Variants in ZSCAN29 observed in about 807,000 individuals in gnomAD.
ZSCAN29 encodes zinc finger and SCAN domain containing 29.
Under a neutral mutation model 71.9 loss-of-function variants are expected in ZSCAN29, and 55 were observed. The observed-to-expected ratio is 0.76, with a 90% CI of 0.62 to 0.96. The LOEUF is 0.96. Among genes scored for constraint, ZSCAN29 ranks in the 40% least tolerant of loss-of-function variants. ZSCAN29 has a pLI of 0.00. For missense variants in ZSCAN29, 1,042 were observed against 1,042.2 expected, an observed-to-expected ratio of 1.00 and a Z score of 0.00; for synonymous variants, 351 against 371.6, an observed-to-expected ratio of 0.94 and a Z score of 0.64.
At chr15:43,364,832 T>G (rs1295402658) in intron 4 of ZSCAN29, among the ~76,000 whole-genome samples, 2 of 144,270 alleles carry the variant, frequency 1.4e-5, no homozygotes, top group Non-Finnish European at 3.0e-5. Flanking sequence ...GAGGTGGAGG[T>G]TGCAGTGAGA....
At chr15:43,365,048 A>C (rs1254811629) in intron 4 of ZSCAN29, among the ~76,000 whole-genome samples, 3 of 152,158 alleles carry the variant, frequency 2.0e-5, no homozygotes, top group Non-Finnish European at 2.9e-5. Flanking sequence ...GAAACGAAAA[A>C]GCAGAAGACA....
In ZSCAN29 at chr15:43,359,763, AC is replaced by A. The variant is rs2043962504; in HGVS notation, c.*1309del. ...ACAGACGAAATTCAGATGAGACTGG[AC>A]AGAAAGAAAACCAACCTAAATCCTG... On this transcript the variant is annotated 3_prime_UTR_variant, in exon 6 of 6. Transcript: ENST00000684362. 1 of 152,248 alleles carries A rather than the reference AC, an allele frequency of 6.6e-6. No homozygotes were observed. Among genetic ancestry groups the A allele is most frequent in the Admixed American group, 6.5e-5 (1 of 15,288 alleles). The allele number at this position is 152,248 out of a possible 1,614,324, so 9.4% of individuals were successfully genotyped here.
chr15:43,367,340 C>A (rs1276761998), intron 3 of ZSCAN29, among the ~76,000 whole-genome samples: 2 of 152,204 alleles, frequency 1.3e-5, no homozygotes, highest in East Asian at 3.9e-4. Flanking sequence ...TAACCGCAGG[C>A]TCTTGCTTGC....
At position 43,369,622 on chromosome 15, in the gene ZSCAN29, T is replaced by C. The variant is rs1170501287; in HGVS notation, c.292A>G (p.Arg98Gly). The change falls in exon 2 of 6, where the codon AGA (arginine) becomes GGA (glycine). Residue 98 changes from arginine (R) to glycine (G), a missense_variant. By Grantham distance (125) the Arg-to-Gly change is moderately radical. Transcript: ENST00000684362. ...EAVTLVEDLE[R>G]EPGRPRSSVT... ...GAAGATCTAGGTCTTCCAGGCTCTC[T>C]TTCTAAATCTTCCACGAGAGTCACT... The C allele has an allele frequency of 2.5e-6, 4 of 1,613,538 alleles. No individual in the cohort carries two copies. Among genetic ancestry groups the C allele is most frequent in the East Asian group, 2.2e-5 (1 of 44,870 alleles).
Position 43,361,374 on chromosome 15 carries a change from TG to T in ZSCAN29, c.2257del (p.Gln753ArgfsTer94). On this transcript the variant is annotated frameshift_variant, in exon 6 of 6. Coordinates refer to ENST00000684362, the MANE Select transcript of ZSCAN29 (RefSeq NM_001372080.1). LOFTEE classifies it high-confidence loss of function. ...GGGCTTTTCTCCTGTGTGGGTTCTC[TG>T]GTGAATGATAAGGCTTGAGCTCTGA... ...FNQSSSLIIH[Q>X]RTHTGEKPYQ... is the part of the protein sequence containing the mutation. The T allele has an allele frequency of 6.2e-7, 1 of 1,614,148 alleles. No homozygotes were observed. Among genetic ancestry groups the T allele is most frequent in the Non-Finnish European group, 8.5e-7 (1 of 1,180,028 alleles).
intron 4 of ZSCAN29, among the ~76,000 whole-genome samples, chr15:43,365,487 T>G (rs576491430): frequency 6.6e-6 from 1 of 152,092 alleles, no homozygotes; most frequent in Non-Finnish European, 1.5e-5. Context: ...CCCAGCTCAG[T>G]GTGGTGGCTC....
At chr15:43,364,616 A>G in intron 4 of ZSCAN29, 1 of 571,938 alleles carries the variant, frequency 1.7e-6, no homozygotes. Context: ...AGCCATATAA[A>G]AAAGAAGCTG....
Position 43,369,753 on chromosome 15 carries a change from T to C in ZSCAN29, c.161A>G (p.Lys54Arg). 6.2e-7 allele frequency: 1 copy of C among 1,614,264 alleles called. No individual in the cohort carries two copies. The highest frequency in any genetic ancestry group is 1.1e-5 in the South Asian group (1 of 91,088). ...CACCAACAGTTCTACAATCTGCTCC[T>C]TGGTGCGCACCTCCGGCCTTAGCCA... ...CRWLRPEVRT[K>R]EQIVELLVLE... The change falls in exon 2 of 6, where the codon AAG becomes AGG. Residue 54 changes from lysine (K) to arginine (R), a missense_variant. Physicochemically the swap from Lys to Arg is conservative, Grantham distance 26. Transcript: ENST00000684362.
In ZSCAN29 at chr15:43,364,350, A is replaced by G. The variant is rs2044015184; in HGVS notation, c.1255T>C (p.Tyr419His). ...VHWGYEETKTYLAILSETQFY... is the reference protein window; with the variant it reads ...VHWGYEETKTHLAILSETQFY... ...TGGGTCTCACTAAGAATTGCAAGGTAAGTCTTGGTCTCTTCATAGCCCCAG... is the reference window on the plus strand; with the variant it reads ...TGGGTCTCACTAAGAATTGCAAGGTGAGTCTTGGTCTCTTCATAGCCCCAG... The change falls in exon 5 of 6, where the codon TAC becomes CAC. Residue 419 changes from tyrosine to histidine, a missense_variant. Transcript: ENST00000684362. 1 of 1,614,012 alleles carries G rather than the reference A, an allele frequency of 6.2e-7. No homozygotes were observed. The highest frequency in any genetic ancestry group is 1.3e-5 in the African/African-American group (1 of 74,908).
rs1020399956 is a variant in ZSCAN29 at position 43,363,868 on chromosome 15, A to G, written c.1690+47T>C. ...TCAGATGATATTTTTCCTAAGTCCC[A>G]TTGTCTTCCCTTTGTTATTTATACC... On this transcript the variant is annotated intron_variant, in intron 5 of 5. Coordinates refer to ENST00000684362, the MANE Select transcript of ZSCAN29 (RefSeq NM_001372080.1). 4.6e-6 allele frequency: 7 copies of G among 1,515,912 alleles called. No homozygotes were observed. The East Asian group carries it at 6.8e-5, about 15-fold the overall frequency. 93.9% of individuals were successfully genotyped at this position (1,515,912 alleles called of 1,614,324 possible).
intron 3 of ZSCAN29, among the ~76,000 whole-genome samples, chr15:43,367,508 T>C (rs1389716638): frequency 2.0e-5 from 3 of 152,200 alleles, no homozygotes; most frequent in Non-Finnish European, 4.4e-5. Flanking sequence ...TTCAAGAGGC[T>C]GTATTTGCCA....
At position 43,358,625 on chromosome 15, in the gene ZSCAN29, A is replaced by G. The variant is rs2043954497; in HGVS notation, c.*2448T>C. On this transcript the variant is annotated 3_prime_UTR_variant, in exon 6 of 6. Coordinates refer to ENST00000684362, the MANE Select transcript of ZSCAN29 (RefSeq NM_001372080.1). ...CTCCCTGATCTTATTCCAGCCACAG[A>G]ATTCTAATTGAATGTGAAACGGCTA... The G allele has an allele frequency of 6.6e-6, 1 of 152,228 alleles. No homozygotes were observed. The highest frequency in any genetic ancestry group is 2.4e-5 in the African/African-American group (1 of 41,452). The allele number at this position is 152,228 out of a possible 1,614,324, so 9.4% of individuals were successfully genotyped here.
rs896419935 is a variant in ZSCAN29, at chr15:43,360,256, A to G, written c.*817T>C. On this transcript the variant is annotated 3_prime_UTR_variant, in exon 6 of 6. Transcript: ENST00000684362. The stretch of plus-strand genomic sequence containing the variant: ...CTACTCAGGAGGCTGAGGCAGGAAA[A>G]TTGTTTGAACCCAGAAGGCAGAGGT... 1.3e-5 allele frequency: 2 copies of G among 151,824 alleles called. No homozygotes were observed. The highest frequency in any genetic ancestry group is 2.9e-5 in the Non-Finnish European group (2 of 68,116). 9.4% of individuals were successfully genotyped at this position (151,824 alleles called of 1,614,324 possible).
At position 43,361,256 on chromosome 15, in the gene ZSCAN29, A is replaced by ACATGGGGTC. The variant is rs2043975796; in HGVS notation, c.2375_2376insGACCCCATG (p.Val791_Cys792insTrpThrPro). On this transcript the variant is annotated inframe_insertion, in exon 6 of 6. Coordinates refer to ENST00000684362, the MANE Select transcript of ZSCAN29 (RefSeq NM_001372080.1). Reference sequence around the variant, plus strand: ...TACTGAAACTCTTTCCACAGTCAGGACACACATGGGGTCTCTCTCCTGTGT... The same window carrying ACATGGGGTC: ...TACTGAAACTCTTTCCACAGTCAGGACATGGGGTCCACACATGGGGTCTCTCTCCTGTGT... The ACATGGGGTC allele has an allele frequency of 6.2e-7, 1 of 1,614,058 alleles. No individual in the cohort carries two copies. Among genetic ancestry groups the ACATGGGGTC allele is most frequent in the Non-Finnish European group, 8.5e-7 (1 of 1,180,032 alleles).
At position 43,359,872 on chromosome 15, in the gene ZSCAN29, T is replaced by C. The variant is rs1183311748; in HGVS notation, c.*1201A>G. The C allele has an allele frequency of 6.6e-6, 1 of 152,216 alleles. No individual in the cohort carries two copies. The highest frequency in any genetic ancestry group is 1.9e-4 in the East Asian group (1 of 5,202). The allele number at this position is 152,216 out of a possible 1,614,324, so 9.4% of individuals were successfully genotyped here. A position where few individuals can be genotyped will look rare whatever the true frequency, so the allele number is the denominator to read the frequency against. On this transcript the variant is annotated 3_prime_UTR_variant, in exon 6 of 6. Coordinates refer to ENST00000684362, the MANE Select transcript of ZSCAN29 (RefSeq NM_001372080.1). Reference sequence around the variant, plus strand: ...CAGGGTTCACACTTCAGTATAAGGTTTTCATTGTTTCTGCATAAGAACACC... The same window carrying C: ...CAGGGTTCACACTTCAGTATAAGGTCTTCATTGTTTCTGCATAAGAACACC...
Position 43,359,113 on chromosome 15 carries a change from A to T in ZSCAN29, c.*1960T>A, listed in dbSNP as rs2043958386. The T allele has an allele frequency of 6.6e-6, 1 of 152,226 alleles. No homozygotes were observed. Among genetic ancestry groups the T allele is most frequent in the Admixed American group, 6.5e-5 (1 of 15,282 alleles). The allele number at this position is 152,226 out of a possible 1,614,324, so 9.4% of individuals were successfully genotyped here. On this transcript the variant is annotated 3_prime_UTR_variant, in exon 6 of 6. Coordinates refer to ENST00000684362, the MANE Select transcript of ZSCAN29 (RefSeq NM_001372080.1). ...TTCTTCCTATCATAATTTAACCAGTAACCTTCCCTCCTTTGACCACTTCCT... is the reference window on the plus strand; with the variant it reads ...TTCTTCCTATCATAATTTAACCAGTTACCTTCCCTCCTTTGACCACTTCCT...
chr15:43,363,800 CAAG>C, intron 5 of ZSCAN29, 112 bp downstream of exon 5: 1 of 1,019,176 alleles, frequency 9.8e-7, no homozygotes, highest in Non-Finnish European at 1.4e-6. Context: ...TGGGTGGTCA[CAAG>C]AAGAATCCAT....
Position 43,360,842 on chromosome 15 carries a change from C to A in ZSCAN29, c.*231G>T. 1.9e-6 allele frequency: 1 copy of A among 522,988 alleles called. No individual in the cohort carries two copies. The highest frequency in any genetic ancestry group is 3.4e-6 in the Non-Finnish European group (1 of 296,740). 32.4% of individuals were successfully genotyped at this position (522,988 alleles called of 1,614,324 possible). A position where few individuals can be genotyped will look rare whatever the true frequency, so the allele number is the denominator to read the frequency against. Reference sequence around the variant, plus strand: ...GGCACTGAGAGGGAAAAGATGTTATCCATCAATTCAGATGCAGGCAAAGAG... The same window carrying A: ...GGCACTGAGAGGGAAAAGATGTTATACATCAATTCAGATGCAGGCAAAGAG... On this transcript the variant is annotated 3_prime_UTR_variant, in exon 6 of 6. Transcript: ENST00000684362.
chr15:43,368,773 A>C, intron 3 of ZSCAN29, 150 bp downstream of exon 3: 3 of 661,830 alleles, frequency 4.5e-6, no homozygotes, highest in African/African-American at 1.8e-5. Flanking sequence ...TCAAGAGGTA[A>C]TATGAATACC....
Sources: gnomAD v4.1 joint callset for allele counts (sites outside exome capture counted in the v4.1 genomes callset) on GRCh38, gnomAD v4.1.1 for gene constraint, MANE v1.5 for transcripts, NCBI Gene and HGNC (gene_info 2026-07-23, HGNC 2026-07-21) for gene names.